The following NCOA3 variants were observed in gnomAD, a reference collection of about 807,000 sequenced individuals.
NCOA3 encodes CBP-interacting protein.
In NCOA3, 51 loss-of-function variants were observed where a neutral mutation model predicts 158.8. The observed-to-expected ratio is 0.32, with a 90% CI of 0.26 to 0.41. The LOEUF (loss-of-function observed/expected upper bound fraction) is 0.41. Among genes scored for constraint, NCOA3 ranks in the 10% least tolerant of loss-of-function variants. The probability of loss-of-function intolerance (pLI) is 1.00; values close to 1 mark genes in which losing one functional copy is unlikely to be tolerated. For missense variants in NCOA3, 1,510 were observed against 1,746.6 expected (o/e 0.86, Z 2.41); for synonymous variants, 537 against 592.4 (o/e 0.91, Z 1.36).
chr20:47,586,081 G>A (rs574819138), intron 2 of NCOA3, among the ~76,000 whole-genome samples: 7 of 151,958 alleles, frequency 4.6e-5, no homozygotes, highest in African/African-American at 1.2e-4. Context: ...CACCCTGCCC[G>A]GCTAATTTTG....
At chr20:47,513,195 C>G (rs1191505514) in intron 1 of NCOA3, among the ~76,000 whole-genome samples, 1 of 151,868 alleles carries the variant, frequency 6.6e-6, no homozygotes, top group Non-Finnish European at 1.5e-5. Flanking sequence ...ATAAAATAAA[C>G]TTGTAAATAT....
At chr20:47,596,325 A>G (rs1439984919) in intron 2 of NCOA3, among the ~76,000 whole-genome samples, 1 of 152,196 alleles carries the variant, frequency 6.6e-6, no homozygotes, top group Non-Finnish European at 1.5e-5. Flanking sequence ...GTAAGATCCA[A>G]CCATGTTGTG....
chr20:47,520,666 C>T (rs140407500), intron 1 of NCOA3, among the ~76,000 whole-genome samples: 4 of 152,062 alleles, frequency 2.6e-5, no homozygotes, highest in Admixed American at 6.6e-5. Flanking sequence ...GATGTCTTGT[C>T]TTGCCTTGCC....
At position 47,540,487 on chromosome 20, in the gene NCOA3, G is replaced by A. The variant is rs187527447; in HGVS notation, c.-99+38468G>A. Among the ~76,000 whole-genome samples, 628 of 151,738 alleles carry A rather than the reference G, an allele frequency of 4.1e-3. 6 individuals carry two copies. The highest frequency in any genetic ancestry group is 0.015 in the African/African-American group (601 of 41,340). On this transcript the variant is annotated intron_variant, in intron 1 of 22. Transcript: ENST00000371998. The stretch of plus-strand genomic sequence containing the variant: ...CTTGAGAGGCTGAGGAAGGAGAATC[G>A]GTTGAACCTAGGAGGTGGAGTTTGC...
chr20:47,575,242 G>A (rs1263155702), intron 1 of NCOA3, among the ~76,000 whole-genome samples: 3 of 152,028 alleles, frequency 2.0e-5, no homozygotes, highest in African/African-American at 7.2e-5. Flanking sequence ...AAATTTTATC[G>A]CATCCATTTT....
chr20:47,547,425 T>TTAC (rs1490511605), intron 1 of NCOA3, among the ~76,000 whole-genome samples: 1 of 151,008 alleles, frequency 6.6e-6, no homozygotes, highest in African/African-American at 2.4e-5. Flanking sequence ...ATTATTATTA[T>TTAC]TATTTTAGAC....
chr20:47,510,751 CCTGGCT>C (rs1254780603), intron 1 of NCOA3, among the ~76,000 whole-genome samples: 2 of 151,890 alleles, frequency 1.3e-5, no homozygotes. Flanking sequence ...TGTCACCACT[CCTGGCT>C]GATGTTTTTA....
chr20:47,503,105 A>G (rs1427146980), intron 1 of NCOA3, among the ~76,000 whole-genome samples: 2 of 152,106 alleles, frequency 1.3e-5, no homozygotes, highest in Admixed American at 1.3e-4. Flanking sequence ...AGTGGTTTTA[A>G]ATGGAGTTGA....
chr20:47,627,304 C>A, intron 6 of NCOA3, 128 bp downstream of exon 6: 1 of 799,910 alleles, frequency 1.3e-6, no homozygotes, highest in Non-Finnish European at 1.9e-6. Context: ...GATTTAATAG[C>A]AGAATTTTCA....
rs200754623 is a variant in NCOA3, at chr20:47,567,738, AT to A, written c.-98-15441del. On this transcript the variant is annotated intron_variant, in intron 1 of 22. Coordinates refer to ENST00000371998, the MANE Select transcript of NCOA3 (RefSeq NM_181659.3). The stretch of plus-strand genomic sequence containing the variant: ...GTACATGCTACCGTGCCCGGCCAAT[AT>A]TTTGTATTTTTAGTAGAGACGGGGT... Among the ~76,000 whole-genome samples the A allele has an allele frequency of 8.3e-3, 1,254 of 151,682 alleles. 17 individuals are homozygous for A. The highest frequency in any genetic ancestry group is 0.027 in the African/African-American group (1,132 of 41,344).
chr20:47,605,730 C>T (rs772317228), intron 2 of NCOA3, among the ~76,000 whole-genome samples: 8 of 152,158 alleles, frequency 5.3e-5, no homozygotes, highest in Non-Finnish European at 1.0e-4. Flanking sequence ...TCCCCTCTGT[C>T]ATGGTCCACA....
At chr20:47,529,506 G>C (rs376603922) in intron 1 of NCOA3, among the ~76,000 whole-genome samples, 5 of 152,282 alleles carry the variant, frequency 3.3e-5, no homozygotes, top group South Asian at 4.1e-4. Flanking sequence ...TCCATCTCCT[G>C]GGTTCAAGTG....
At chr20:47,525,771 C>G (rs1281403315) in intron 1 of NCOA3, among the ~76,000 whole-genome samples, 1 of 106,238 alleles carries the variant, frequency 9.4e-6, no homozygotes, top group Non-Finnish European at 1.9e-5. Context: ...GCTGACCCCC[C>G]CCACCTCCCT....
At chr20:47,540,422 A>G (rs1265616666) in intron 1 of NCOA3, among the ~76,000 whole-genome samples, 1 of 151,900 alleles carries the variant, frequency 6.6e-6, no homozygotes, top group African/African-American at 2.4e-5. Flanking sequence ...AAAATACAAA[A>G]ATTAGCTGGG....
intron 14 of NCOA3, 25 bp downstream of exon 14, chr20:47,639,227 ATGAT>A (rs1323275588): frequency 7.7e-6 from 12 of 1,559,450 alleles, no homozygotes; most frequent in Non-Finnish European, 1.1e-5. Flanking sequence ...ATTAGTATGT[ATGAT>A]TATTTTGGGA....
chr20:47,521,279 AG>A (rs1402978862), intron 1 of NCOA3, among the ~76,000 whole-genome samples: 1 of 152,218 alleles, frequency 6.6e-6, no homozygotes, highest in Admixed American at 6.5e-5. Context: ...ATGTAATCAC[AG>A]GCAAGCCCCC....
chr20:47,599,325 G>A (rs1182301610), intron 2 of NCOA3, among the ~76,000 whole-genome samples: 1 of 151,912 alleles, frequency 6.6e-6, no homozygotes, highest in African/African-American at 2.4e-5. Context: ...ACGCAAATAC[G>A]TAAGTGGTTG....
At chr20:47,614,280 T>C (rs2086096334) in intron 2 of NCOA3, among the ~76,000 whole-genome samples, 1 of 152,218 alleles carries the variant, frequency 6.6e-6, no homozygotes, top group Non-Finnish European at 1.5e-5. Context: ...TGTTAACTAG[T>C]AGTGGTTATT....
In NCOA3 at chr20:47,635,621, C is replaced by T; in HGVS notation, c.1412C>T (p.Pro471Leu). Residue 471 changes from proline (P) to leucine (L), a missense_variant, in exon 11 of 23, where the codon CCT (proline) becomes CTT (leucine). Pro to Leu is a moderately conservative substitution (Grantham distance 98, BLOSUM62 -3). Coordinates refer to ENST00000371998, the MANE Select transcript of NCOA3 (RefSeq NM_181659.3). ...ATGAGTAGCCCCCCACATGGGAGTC[C>T]TGGTCTTGCCCCAAACCAGCAGAAT... ...LNMSSPPHGSPGLAPNQQNIM... is the reference protein window; with the variant it reads ...LNMSSPPHGSLGLAPNQQNIM... The T allele has an allele frequency of 2.5e-6, 4 of 1,614,196 alleles. No individual in the cohort carries two copies. Among genetic ancestry groups the T allele is most frequent in the Non-Finnish European group, 3.4e-6 (4 of 1,180,038 alleles).
Sources: gnomAD v4.1 joint callset for allele counts (sites outside exome capture counted in the v4.1 genomes callset) on GRCh38, gnomAD v4.1.1 for gene constraint, MANE v1.5 for transcripts, NCBI Gene and HGNC (gene_info 2026-07-23, HGNC 2026-07-21) for gene names.